The following SGCZ variants were observed in gnomAD, a reference collection of about 807,000 sequenced individuals.
SGCZ encodes sarcoglycan zeta, also known as zeta-sarcoglycan.
SGCZ carries 40 observed loss-of-function variants against 41.3 expected under a neutral mutation model. The observed-to-expected ratio is 0.97, with a 90% confidence interval of 0.75 to 1.26. SGCZ has a LOEUF of 1.26. SGCZ is among the 50% of genes most tolerant of loss of function. SGCZ has a pLI of 0.00. For synonymous variants in SGCZ, 206 were observed against 137.5 expected, an observed-to-expected ratio of 1.50 and a Z score of -3.49; for missense variants, 552 against 369.8, an observed-to-expected ratio of 1.49 and a Z score of -4.04.
At chr8:15,078,790 T>C (rs1013906411) in intron 1 of SGCZ, among the ~76,000 whole-genome samples, 2 of 152,122 alleles carry the variant, frequency 1.3e-5, no homozygotes, top group Non-Finnish European at 2.9e-5. Context: ...TTATCTGGAT[T>C]TCCTCTGAGA....
chr8:14,877,194 G>C lies in SGCZ; in HGVS notation c.40-322268C>G, dbSNP rs905354817. The stretch of plus-strand genomic sequence containing the variant: ...TCACCATGTTGGCGTGGAGGGTCTT[G>C]ATCTCCTGACATCATGATCCGCCAG... On this transcript the variant is annotated intron_variant, in intron 1 of 7. Coordinates refer to ENST00000382080, the MANE Select transcript of SGCZ (RefSeq NM_139167.4). Among the ~76,000 whole-genome samples the C allele has an allele frequency of 2.6e-5, 4 of 151,994 alleles. No individual in the cohort carries two copies. In the East Asian group the frequency reaches 7.7e-4, roughly 29 times the overall value.
intron 2 of SGCZ, among the ~76,000 whole-genome samples, chr8:14,377,864 A>C (rs951240835): frequency 2.0e-5 from 3 of 151,620 alleles, no homozygotes; most frequent in Admixed American, 1.3e-4. Context: ...TGAACTCATC[A>C]TTTTTTATGG....
At chr8:14,842,066 T>C (rs1349813964) in intron 1 of SGCZ, among the ~76,000 whole-genome samples, 1 of 152,176 alleles carries the variant, frequency 6.6e-6, no homozygotes, top group Non-Finnish European at 1.5e-5. Context: ...CTGGGGTAGA[T>C]TCTAGTAAGA....
intron 5 of SGCZ, among the ~76,000 whole-genome samples, chr8:14,131,604 G>C (rs1455365524): frequency 4.6e-5 from 7 of 151,950 alleles, no homozygotes; most frequent in East Asian, 1.9e-4. Context: ...AAAGTGTCTT[G>C]TCTGACTATC....
At chr8:15,203,203 T>C (rs562446155) in intron 1 of SGCZ, among the ~76,000 whole-genome samples, 3 of 152,212 alleles carry the variant, frequency 2.0e-5, no homozygotes, top group Admixed American at 6.5e-5. Context: ...TTCTGGAAGT[T>C]TGTATTCTTT....
chr8:15,081,704 C>A (rs544518734), intron 1 of SGCZ, among the ~76,000 whole-genome samples: 3 of 152,138 alleles, frequency 2.0e-5, no homozygotes, highest in African/African-American at 7.2e-5. Context: ...ACACAAGCTG[C>A]CAAATTTTCG....
chr8:14,248,387 T>C (rs759309246), intron 3 of SGCZ, among the ~76,000 whole-genome samples: 78 of 152,288 alleles, frequency 5.1e-4, no homozygotes, highest in Non-Finnish European at 1.0e-3. Context: ...TGTGCGTGTG[T>C]AGAGAGTATC....
At chr8:14,650,304 G>A (rs1807355727) in intron 1 of SGCZ, among the ~76,000 whole-genome samples, 2 of 152,036 alleles carry the variant, frequency 1.3e-5, no homozygotes, top group South Asian at 4.2e-4. Flanking sequence ...TCCTAAGCTA[G>A]GCTGGAGGTA....
chr8:15,217,059 A>T (rs2117174455), intron 1 of SGCZ, among the ~76,000 whole-genome samples: 1 of 152,288 alleles, frequency 6.6e-6, no homozygotes, highest in Non-Finnish European at 1.5e-5. Context: ...CTTAAAAAAA[A>T]AAAAATTGTT....
chr8:14,103,177 G>T (rs182997602), intron 6 of SGCZ, among the ~76,000 whole-genome samples: 57 of 152,300 alleles, frequency 3.7e-4, no homozygotes, highest in African/African-American at 9.9e-4. Context: ...GCGATTGAAG[G>T]TTGGCTACAT....
At chr8:14,969,922 C>G (rs1801237034) in intron 1 of SGCZ, among the ~76,000 whole-genome samples, 1 of 152,070 alleles carries the variant, frequency 6.6e-6, no homozygotes, top group Non-Finnish European at 1.5e-5. Context: ...GTTTCAACGT[C>G]AAGAAATTGC....
intron 1 of SGCZ, among the ~76,000 whole-genome samples, chr8:14,891,899 A>G (rs1312383669): frequency 6.6e-6 from 1 of 152,216 alleles, no homozygotes; most frequent in East Asian, 1.9e-4. Flanking sequence ...TCAGATGGTC[A>G]TTAGCAATAA....
At chr8:14,108,292 T>C (rs749132611) in intron 5 of SGCZ, 57 bp from the exon 6 acceptor site, 10 of 1,484,822 alleles carry the variant, frequency 6.7e-6, no homozygotes, top group African/African-American at 1.4e-5. Flanking sequence ...GTGGCTTTCA[T>C]CTCTATGTTT....
At position 15,080,107 on chromosome 8, in the gene SGCZ, ATTAT is replaced by A. The variant is rs571961136; in HGVS notation, c.39+157474_39+157477del. On this transcript the variant is annotated intron_variant, in intron 1 of 7. Transcript: ENST00000382080. ...GCATCTCTGTAAAGACCCATTTTCA[ATTAT>A]TTATTTGATTCCTGGACGAGATATT... 1.4e-3 allele frequency among the ~76,000 whole-genome samples: 218 copies of A among 151,846 alleles called. 1 individual carries two copies. Among genetic ancestry groups the A allele is most frequent in the African/African-American group, 4.6e-3 (192 of 41,370 alleles).
intron 2 of SGCZ, among the ~76,000 whole-genome samples, chr8:14,392,959 T>C (rs1191489301): frequency 2.6e-5 from 4 of 152,152 alleles, no homozygotes; most frequent in African/African-American, 9.6e-5. Flanking sequence ...TATTACACTT[T>C]GTACTTAATT....
At chr8:15,164,610 C>T (rs268409) in intron 1 of SGCZ, among the ~76,000 whole-genome samples, 103,470 of 148,814 alleles carry the variant, frequency 0.7, 36,678 homozygotes, top group African/African-American at 0.78. Context: ...TCCTCTTCTC[C>T]ACCCCATCAG....
intron 2 of SGCZ, among the ~76,000 whole-genome samples, chr8:14,534,396 C>G (rs11987844): frequency 2.6e-5 from 4 of 152,008 alleles, no homozygotes; most frequent in African/African-American, 9.7e-5. Flanking sequence ...TTTCTTCTTA[C>G]TGGAAAGTTT....
intron 1 of SGCZ, among the ~76,000 whole-genome samples, chr8:14,997,145 CTCT>C (rs746548525): frequency 2.0e-4 from 30 of 152,258 alleles, no homozygotes; most frequent in Non-Finnish European, 2.8e-4. Flanking sequence ...CTTTGCTTTT[CTCT>C]TCTTCGTCAC....
chr8:15,097,820 G>GTA (rs1295169651), intron 1 of SGCZ, among the ~76,000 whole-genome samples: 11 of 61,976 alleles, frequency 1.8e-4, no homozygotes, highest in African/African-American at 4.4e-4. Flanking sequence ...ATATACGTGT[G>GTA]TGTATATATA....
Sources: gnomAD v4.1 joint callset for allele counts (sites outside exome capture counted in the v4.1 genomes callset) on GRCh38, gnomAD v4.1.1 for gene constraint, MANE v1.5 for transcripts, NCBI Gene and HGNC (gene_info 2026-07-23, HGNC 2026-07-21) for gene names.